Variants in TRIM34 observed in about 807,000 individuals in gnomAD.
The protein encoded by TRIM34 is E3 ubiquitin-protein ligase TRIM34.
A neutral mutation model predicts 38.1 loss-of-function variants in TRIM34; 41 were observed. The observed-to-expected ratio is 1.08, with a 90% CI of 0.84 to 1.40. The LOEUF (loss-of-function observed/expected upper bound fraction) is 1.40. Ranked by LOEUF, TRIM34 falls within the 40% of genes most tolerant of loss-of-function variation. The pLI, the probability that TRIM34 is intolerant of heterozygous loss-of-function variation, is 0.00. For missense variants in TRIM34, 556 were observed against 571.4 expected, an observed-to-expected ratio of 0.97 and a Z score of 0.27; for synonymous variants, 200 against 202.5, an observed-to-expected ratio of 0.99 and a Z score of 0.10.
At chr11:5,637,302 T>C (rs1215548607) in intron 4 of TRIM34, among the ~76,000 whole-genome samples, 1 of 152,248 alleles carries the variant, frequency 6.6e-6, no homozygotes, top group East Asian at 1.9e-4. Flanking sequence ...GGTGTTATCA[T>C]ATATCCATTG....
chr11:5,622,376 C>T (rs1165966677), upstream of TRIM34, among the ~76,000 whole-genome samples: 1 of 149,852 alleles, frequency 6.7e-6, no homozygotes, highest in Non-Finnish European at 1.5e-5. Flanking sequence ...ACCCGGCAGG[C>T]GGAGCTTGTA....
At chr11:5,629,868 T>C (rs1476568560) in intron 1 of TRIM34, among the ~76,000 whole-genome samples, 3 of 152,106 alleles carry the variant, frequency 2.0e-5, no homozygotes, top group Non-Finnish European at 4.4e-5. Context: ...CCGCCACCCC[T>C]GGCTAATTTT....
At chr11:5,625,681 C>T (rs1396062825) in intron 1 of TRIM34, among the ~76,000 whole-genome samples, 7 of 150,354 alleles carry the variant, frequency 4.7e-5, no homozygotes, top group African/African-American at 1.5e-4. Context: ...TGCCGCACAC[C>T]GCTCTGTTCC....
chr11:5,641,740 T>C (rs1850021078), intron 5 of TRIM34, among the ~76,000 whole-genome samples: 1 of 152,228 alleles, frequency 6.6e-6, no homozygotes, highest in Admixed American at 6.5e-5. Context: ...TAGAAGCTCC[T>C]ATGGAAAAGT....
Position 5,643,392 on chromosome 11 carries a change from C to A in TRIM34, c.1150C>A (p.Arg384Ser). 6.2e-7 allele frequency: 1 copy of A among 1,614,030 alleles called. No individual in the cohort carries two copies. The highest frequency in any genetic ancestry group is 8.5e-7 in the Non-Finnish European group (1 of 1,180,000). The change falls in exon 8 of 8, where the codon CGT becomes AGT. Residue 384 changes from arginine (R) to serine (S), a missense_variant. Transcript: ENST00000429814. ...MKYVVRRCAN[R>S]QNLYTKYRPL... ...GTATGTTGTTAGAAGATGTGCAAATCGTCAAAATCTTTACACCAAATACAG... is the reference window on the plus strand; with the variant it reads ...GTATGTTGTTAGAAGATGTGCAAATAGTCAAAATCTTTACACCAAATACAG...
rs201334864 is a variant in TRIM34 at position 5,643,273 on chromosome 11, T to A, written c.1031T>A (p.Phe344Tyr). 1.5e-5 allele frequency: 24 copies of A among 1,613,942 alleles called. No homozygotes were observed. The highest frequency in any genetic ancestry group is 1.7e-5 in the Admixed American group (1 of 59,988). ...YNYGVLGSQYFSSGKHYWEVD... is the reference protein window; with the variant it reads ...YNYGVLGSQYYSSGKHYWEVD... ...TATGGTGTCTTGGGATCCCAATATT[T>A]CTCCTCTGGGAAACATTACTGGGAA... The change falls in exon 8 of 8, where the codon TTC becomes TAC. Residue 344 changes from phenylalanine (F) to tyrosine (Y), a missense_variant. Phe to Tyr is a conservative substitution (Grantham distance 22, BLOSUM62 3). Transcript: ENST00000429814.
At chr11:5,626,389 ACT>A (rs1294068677) in intron 1 of TRIM34, among the ~76,000 whole-genome samples, 1 of 152,178 alleles carries the variant, frequency 6.6e-6, no homozygotes, top group East Asian at 1.9e-4. Flanking sequence ...TAGGGTAATG[ACT>A]CTGTAAAGAC....
intron 1 of TRIM34, among the ~76,000 whole-genome samples, chr11:5,627,038 T>C (rs536325966): frequency 1.3e-5 from 2 of 152,154 alleles, no homozygotes; most frequent in South Asian, 2.1e-4. Context: ...TTTAAGGTGA[T>C]CACTCTGTCT....
rs1850128595 is a variant in TRIM34, at chr11:5,643,766, T to C, written c.*57T>C. ...TCTTGACTTATCTCCTGCAACTGAC[T>C]CATCTGCAACATTCACACCATTGCT... On this transcript the variant is annotated 3_prime_UTR_variant, in exon 8 of 8. Coordinates refer to ENST00000429814, the MANE Select transcript of TRIM34 (RefSeq NM_021616.6). 2 of 1,523,036 alleles carry C rather than the reference T, an allele frequency of 1.3e-6. No individual in the cohort carries two copies. Among genetic ancestry groups the C allele is most frequent in the Non-Finnish European group, 1.8e-6 (2 of 1,141,032 alleles). 94.3% of individuals were successfully genotyped at this position (1,523,036 alleles called of 1,614,324 possible). A position where few individuals can be genotyped will look rare whatever the true frequency, so the allele number is the denominator to read the frequency against.
chr11:5,630,072 C>CT (rs1382453358), intron 1 of TRIM34, among the ~76,000 whole-genome samples: 2 of 152,092 alleles, frequency 1.3e-5, no homozygotes, highest in Non-Finnish European at 2.9e-5. Context: ...ACTAACGTAG[C>CT]TTAGGTAAAT....
At chr11:5,629,942 G>A (rs1398704493) in intron 1 of TRIM34, among the ~76,000 whole-genome samples, 12 of 152,184 alleles carry the variant, frequency 7.9e-5, no homozygotes, top group Admixed American at 3.3e-4. Flanking sequence ...TCCTTACCTC[G>A]TGATCCGCCT....
intron 4 of TRIM34, among the ~76,000 whole-genome samples, chr11:5,635,422 T>C (rs2133936514): frequency 6.6e-6 from 1 of 151,812 alleles, no homozygotes; most frequent in South Asian, 2.1e-4. Flanking sequence ...GTCTGGCTAA[T>C]TTTTTTTGTA....
intron 1 of TRIM34, among the ~76,000 whole-genome samples, chr11:5,625,497 G>A (rs1250769538): frequency 6.6e-6 from 1 of 152,176 alleles, no homozygotes; most frequent in Admixed American, 6.5e-5. Flanking sequence ...AGTGTGTGCA[G>A]GGCTTAGCTC....
At chr11:5,624,323 C>T (rs1849111279), upstream of TRIM34, among the ~76,000 whole-genome samples, 1 of 152,164 alleles carries the variant, frequency 6.6e-6, no homozygotes, top group Admixed American at 6.5e-5. Flanking sequence ...AGTTTTACCC[C>T]TTTTAAAGAT....
chr11:5,623,852 G>T (rs1421942429), upstream of TRIM34, among the ~76,000 whole-genome samples: 1 of 152,174 alleles, frequency 6.6e-6, no homozygotes, highest in Non-Finnish European at 1.5e-5. Context: ...CACCATGCAT[G>T]AGTCAGATGG....
chr11:5,631,449 C>T (rs923270674), intron 1 of TRIM34, among the ~76,000 whole-genome samples: 1 of 152,142 alleles, frequency 6.6e-6, no homozygotes, highest in Non-Finnish European at 1.5e-5. Flanking sequence ...ATTTATTCAT[C>T]TGAAGAAAGG....
chr11:5,629,281 A>C (rs1849378449), intron 1 of TRIM34, among the ~76,000 whole-genome samples: 1 of 152,138 alleles, frequency 6.6e-6, no homozygotes, highest in Admixed American at 6.6e-5. Flanking sequence ...CATCTCAAAA[A>C]AAAACAAAAA....
chr11:5,622,640 A>T (rs1486902521), upstream of TRIM34, among the ~76,000 whole-genome samples: 6 of 19,886 alleles, frequency 3.0e-4, no homozygotes, highest in African/African-American at 2.5e-3. Context: ...CAAACAAATA[A>T]AAAAAACCGG....
intron 4 of TRIM34, among the ~76,000 whole-genome samples, chr11:5,640,113 GT>G (rs1379003058): frequency 2.6e-5 from 4 of 152,084 alleles, no homozygotes; most frequent in African/African-American, 9.7e-5. Context: ...CCTTTTATTT[GT>G]TTTCTGTGAC....
Sources: gnomAD v4.1 joint callset for allele counts (sites outside exome capture counted in the v4.1 genomes callset) on GRCh38, gnomAD v4.1.1 for gene constraint, MANE v1.5 for transcripts, NCBI Gene and HGNC (gene_info 2026-07-23, HGNC 2026-07-21) for gene names.